HS3ST2: variants seen among roughly 807,000 people sequenced by gnomAD.
HS3ST2 encodes heparan sulfate-glucosamine 3-sulfotransferase 2.
A neutral mutation model predicts 26.3 loss-of-function variants in HS3ST2; 17 were observed. The ratio of observed to expected loss-of-function variants is 0.65; its 90% CI spans 0.44 to 0.97. The LOEUF is 0.97. Among genes scored for constraint, HS3ST2 ranks in the 50% least tolerant of loss-of-function variants. HS3ST2 has a pLI of 0.00. For missense variants in HS3ST2, 402 were observed against 501.2 expected, an observed-to-expected ratio of 0.80 and a Z score of 1.89; for synonymous variants, 237 against 219.2, an observed-to-expected ratio of 1.08 and a Z score of -0.72.
chr16:22,818,118 C>CTG (rs1242681320), intron 1 of HS3ST2, among the ~76,000 whole-genome samples: 1 of 152,202 alleles, frequency 6.6e-6, no homozygotes, highest in Non-Finnish European at 1.5e-5. Flanking sequence ...ATGCTTACCT[C>CTG]AACTATGTGT....
chr16:22,912,812 C>T (rs1009610482), intron 1 of HS3ST2, among the ~76,000 whole-genome samples: 7 of 152,074 alleles, frequency 4.6e-5, no homozygotes, highest in African/African-American at 1.4e-4. Flanking sequence ...CACCTCGGGG[C>T]GTTGCCATGG....
rs547958089 is a variant in HS3ST2, at chr16:22,882,093, C to T, written c.486-32851C>T. Among the ~76,000 whole-genome samples the T allele has an allele frequency of 3.3e-5, 5 of 152,326 alleles. No homozygotes were observed. The East Asian group carries it at 9.7e-4, about 29-fold the overall frequency. On this transcript the variant is annotated intron_variant, in intron 1 of 1. Transcript: ENST00000261374. ...TGATACACAAGGTCAGGTGTGGTGG[C>T]TCACACCTGTAATCCCAGCACTTGG... is the stretch of plus-strand genomic sequence containing the variant.
At chr16:22,850,712 G>A (rs562770928) in intron 1 of HS3ST2, among the ~76,000 whole-genome samples, 179 of 152,240 alleles carry the variant, frequency 1.2e-3, no homozygotes, top group Middle Eastern at 3.4e-3. Context: ...CCTTGAACCC[G>A]GGAGGCGGAG....
chr16:22,898,887 GACA>G (rs1404798940), intron 1 of HS3ST2, among the ~76,000 whole-genome samples: 1 of 152,122 alleles, frequency 6.6e-6, no homozygotes, highest in African/African-American at 2.4e-5. Flanking sequence ...ATCCTGGTAC[GACA>G]ACAACATTCG....
At chr16:22,827,607 C>T (rs145362602) in intron 1 of HS3ST2, among the ~76,000 whole-genome samples, 334 of 151,822 alleles carry the variant, frequency 2.2e-3, no homozygotes, top group African/African-American at 7.7e-3. Context: ...TCAAGAAAGA[C>T]GGCATTGGTG....
At position 22,817,121 on chromosome 16, in the gene HS3ST2, A is replaced by AT. The variant is rs888349486; in HGVS notation, c.485+2035dup. Among the ~76,000 whole-genome samples the AT allele has an allele frequency of 2.5e-3, 372 of 151,194 alleles. 3 individuals carry two copies. In the Middle Eastern group the frequency reaches 0.038, roughly 15 times the overall value. On this transcript the variant is annotated intron_variant, in intron 1 of 1. Transcript: ENST00000261374. ...GCCATGTCTTATTTTTTATTTATTT[A>AT]TTTTTTTTTAGCACATTTGGATTCT...
intron 1 of HS3ST2, among the ~76,000 whole-genome samples, chr16:22,887,978 T>C (rs942174951): frequency 6.6e-6 from 1 of 152,076 alleles, no homozygotes; most frequent in Non-Finnish European, 1.5e-5. Context: ...CAGACAAAGA[T>C]GTGGAAGATA....
At chr16:22,826,179 G>A (rs923728647) in intron 1 of HS3ST2, among the ~76,000 whole-genome samples, 4 of 152,134 alleles carry the variant, frequency 2.6e-5, no homozygotes, top group African/African-American at 7.2e-5. Context: ...GAAATTCAGC[G>A]GTCAGACTTA....
At chr16:22,895,084 T>G (rs1348563483) in intron 1 of HS3ST2, among the ~76,000 whole-genome samples, 8 of 151,390 alleles carry the variant, frequency 5.3e-5, no homozygotes, top group East Asian at 3.9e-4. Flanking sequence ...TTTTTTTTTT[T>G]TTGTTGTTTG....
chr16:22,899,071 C>A (rs1489080790), intron 1 of HS3ST2, among the ~76,000 whole-genome samples: 2 of 152,154 alleles, frequency 1.3e-5, no homozygotes, highest in Non-Finnish European at 2.9e-5. Context: ...ACCATTAATA[C>A]CCCCGGGAGA....
At chr16:22,884,658 AAATATATATATATATATAT>A (rs201222543) in intron 1 of HS3ST2, among the ~76,000 whole-genome samples, 2,648 of 145,194 alleles carry the variant, frequency 0.018, 39 homozygotes, top group Middle Eastern at 0.082. Context: ...ATAGAGAAAA[AAATATATATATATATATAT>A]TATATATATA....
At position 22,916,010 on chromosome 16, in the gene HS3ST2, T is replaced by C. The variant is rs1175589108; in HGVS notation, c.*448T>C. ...TCTGAGCTTCATTTCTTCAAGATGC[T>C]CTGGGTGGTGGGATGGGAGACCATC... On this transcript the variant is annotated 3_prime_UTR_variant, in exon 2 of 2. Transcript: ENST00000261374. The C allele has an allele frequency of 5.9e-6, 1 of 170,002 alleles. No homozygotes were observed. Among genetic ancestry groups the C allele is most frequent in the Non-Finnish European group, 1.3e-5 (1 of 78,600 alleles). The allele number at this position is 170,002 out of a possible 1,614,324, so 10.5% of individuals were successfully genotyped here.
chr16:22,840,835 TTA>T (rs1901341495), intron 1 of HS3ST2, among the ~76,000 whole-genome samples: 1 of 152,128 alleles, frequency 6.6e-6, no homozygotes, highest in African/African-American at 2.4e-5. Context: ...TTATTATACT[TTA>T]AGTTTTAGGG....
chr16:22,912,981 G>A (rs1021582302), intron 1 of HS3ST2, among the ~76,000 whole-genome samples: 2 of 152,038 alleles, frequency 1.3e-5, no homozygotes, highest in African/African-American at 4.8e-5. Context: ...TGGGAAAGGT[G>A]TTTCTCAACT....
chr16:22,853,854 C>T (rs1256691324), intron 1 of HS3ST2, among the ~76,000 whole-genome samples: 1 of 152,178 alleles, frequency 6.6e-6, no homozygotes, highest in Non-Finnish European at 1.5e-5. Flanking sequence ...GACAGGGCAT[C>T]CTCTGAGGCT....
chr16:22,841,178 C>T (rs1901350004), intron 1 of HS3ST2, among the ~76,000 whole-genome samples: 1 of 152,168 alleles, frequency 6.6e-6, no homozygotes, highest in Non-Finnish European at 1.5e-5. Context: ...TCTCCTGCCT[C>T]AGCCTCCTGA....
intron 1 of HS3ST2, among the ~76,000 whole-genome samples, chr16:22,872,052 A>T (rs1011896102): frequency 6.6e-6 from 1 of 152,196 alleles, no homozygotes; most frequent in African/African-American, 2.4e-5. Context: ...TGAGATCTGT[A>T]TACTTTAGAT....
At chr16:22,876,733 T>C (rs751540721) in intron 1 of HS3ST2, among the ~76,000 whole-genome samples, 4 of 152,148 alleles carry the variant, frequency 2.6e-5, no homozygotes, top group Non-Finnish European at 2.9e-5. Context: ...CCAGCCCAAA[T>C]GCCCATCAAT....
chr16:22,886,244 C>T (rs146247506), intron 1 of HS3ST2, among the ~76,000 whole-genome samples: 136 of 152,280 alleles, frequency 8.9e-4, no homozygotes, highest in African/African-American at 3.2e-3. Context: ...TGCTTTAGAG[C>T]AATAAACAAA....
Sources: allele counts gnomAD v4.1 joint callset (sites outside exome capture counted in the v4.1 genomes callset), GRCh38; gene constraint gnomAD v4.1.1; transcripts MANE v1.5; gene names NCBI Gene and HGNC (gene_info 2026-07-23, HGNC 2026-07-21).